Variants in DDX19A observed in about 807,000 individuals in gnomAD.
DDX19A encodes DEAD-box helicase 19A.
In DDX19A, 12 loss-of-function variants were observed where a neutral mutation model predicts 60.6. That is an observed-to-expected ratio of 0.20 (90% confidence interval 0.13 to 0.32). DDX19A has a LOEUF of 0.32. Among genes scored for constraint, DDX19A ranks in the 10% least tolerant of loss-of-function variants. The pLI is 1.00. For synonymous variants in DDX19A, 206 were observed against 218.2 expected, an observed-to-expected ratio of 0.94 and a Z score of 0.49; for missense variants, 337 against 600.6, an observed-to-expected ratio of 0.56 and a Z score of 4.59.
At chr16:70,371,679 C>T in intron 11 of DDX19A, 116 bp downstream of exon 11, 2 of 764,392 alleles carry the variant, frequency 2.6e-6, no homozygotes, top group Non-Finnish European at 4.2e-6. Flanking sequence ...ACACTCCCCT[C>T]CTTTCTGACC....
At chr16:70,364,751 T>C in intron 6 of DDX19A, 106 bp downstream of exon 6, 1 of 866,396 alleles carries the variant, frequency 1.2e-6, no homozygotes, top group Non-Finnish European at 1.9e-6. Flanking sequence ...CCTTAGGCTG[T>C]GGCTCAGGCA....
chr16:70,366,874 G>C lies in DDX19A; in HGVS notation c.1020+13G>C, dbSNP rs746859162. 1.2e-6 allele frequency: 2 copies of C among 1,613,774 alleles called. No homozygotes were observed. The highest frequency in any genetic ancestry group is 2.7e-5 in the African/African-American group (2 of 74,918). The stretch of plus-strand genomic sequence containing the variant: ...GATCTTCTGCCATGTGAGTAGCAGC[G>C]GCAGTGGCAGGCCTGGCCCCTCCCT... On this transcript the variant is annotated intron_variant, in intron 9 of 11. Transcript: ENST00000302243.
At chr16:70,365,604 A>G (rs1964495960) in intron 7 of DDX19A, 1 of 209,402 alleles carries the variant, frequency 4.8e-6, no homozygotes, top group Non-Finnish European at 9.6e-6. Flanking sequence ...TGGGCAACAT[A>G]GTAAGACAAA....
At chr16:70,369,629 T>G (rs1964623900) in intron 9 of DDX19A, among the ~76,000 whole-genome samples, 1 of 150,510 alleles carries the variant, frequency 6.6e-6, no homozygotes, top group South Asian at 2.1e-4. Context: ...TCTTTTTTTT[T>G]TTTTTTGGAG....
chr16:70,365,085 A>G lies in DDX19A; in HGVS notation c.558A>G (p.Lys186=). 6.2e-7 allele frequency: 1 copy of G among 1,614,146 alleles called. No homozygotes were observed. The highest frequency in any genetic ancestry group is 8.5e-7 in the Non-Finnish European group (1 of 1,180,010). Residue 186 remains lysine (K), a synonymous_variant, in exon 7 of 12, where the codon AAA becomes AAG. Coordinates refer to ENST00000302243, the MANE Select transcript of DDX19A (RefSeq NM_018332.5). The part of the protein sequence containing the change: ...QTGKVIEQMG[K]FYPELKLAYA... ...GAAAAGTGATTGAGCAGATGGGCAA[A>G]TTTTACCCAGAACTGAAGCTTGCCT...
chr16:70,356,949 A>G, intron 4 of DDX19A: 1 of 885,736 alleles, frequency 1.1e-6, no homozygotes, highest in Non-Finnish European at 1.5e-6. Flanking sequence ...TTTTTTTTTT[A>G]CAAAAAAAAA....
chr16:70,355,879 C>A, intron 3 of DDX19A: 1 of 606,910 alleles, frequency 1.6e-6, no homozygotes, highest in South Asian at 2.2e-5. Flanking sequence ...GGACGATTGC[C>A]AGAGCCCAGG....
At chr16:70,366,518 C>G in intron 8 of DDX19A, 106 bp from the exon 9 acceptor site, 2 of 1,471,184 alleles carry the variant, frequency 1.4e-6, no homozygotes, top group East Asian at 2.3e-5. Flanking sequence ...AGATGCTCCT[C>G]CCCCATCAGC....
At chr16:70,353,715 A>G (rs1370615474) in intron 2 of DDX19A, among the ~76,000 whole-genome samples, 1 of 151,818 alleles carries the variant, frequency 6.6e-6, no homozygotes, top group East Asian at 2.0e-4. Context: ...AGCCTGGCCA[A>G]TATGGTGAAA....
intron 2 of DDX19A, among the ~76,000 whole-genome samples, chr16:70,351,461 C>T (rs938102973): frequency 1.3e-5 from 2 of 152,128 alleles, no homozygotes; most frequent in Non-Finnish European, 2.9e-5. Flanking sequence ...CCTGCCTCAG[C>T]CTCCCACAGT....
At chr16:70,364,169 AC>A (rs2151640732) in intron 5 of DDX19A, 1 of 170,892 alleles carries the variant, frequency 5.9e-6, no homozygotes, top group East Asian at 1.6e-4. Context: ...CACAGAAGGA[AC>A]CAAATTCTGG....
At chr16:70,371,846 G>C (rs1479321415) in intron 11 of DDX19A, 79 bp from the exon 12 acceptor site, 15 of 1,611,104 alleles carry the variant, frequency 9.3e-6, no homozygotes, top group Non-Finnish European at 1.7e-6. Context: ...GGAGCCTTTG[G>C]GCCTGAATGA....
At chr16:70,365,401 T>C in intron 7 of DDX19A, 1 of 243,774 alleles carries the variant, frequency 4.1e-6, no homozygotes, top group Non-Finnish European at 8.0e-6. Flanking sequence ...GAAGGTAGAG[T>C]TTTGAATTTA....
At chr16:70,351,160 G>A (rs1348903925) in intron 2 of DDX19A, among the ~76,000 whole-genome samples, 1 of 151,588 alleles carries the variant, frequency 6.6e-6, no homozygotes, top group South Asian at 2.1e-4. Flanking sequence ...GGGATTACAG[G>A]TGTGAGCCAC....
chr16:70,361,612 G>A (rs909289283), intron 5 of DDX19A, 102 bp downstream of exon 5: 8 of 850,128 alleles, frequency 9.4e-6, no homozygotes, highest in South Asian at 3.0e-5. Flanking sequence ...TTGGGGCCAC[G>A]TGTTTCCTCA....
At chr16:70,366,910 T>G in intron 9 of DDX19A, 49 bp downstream of exon 9, 4 of 1,607,734 alleles carry the variant, frequency 2.5e-6, no homozygotes, top group Non-Finnish European at 3.4e-6. Flanking sequence ...CTCAGCCAGC[T>G]CCCCACAGGG....
chr16:70,365,220 C>G, intron 7 of DDX19A, 89 bp downstream of exon 7: 1 of 823,504 alleles, frequency 1.2e-6, no homozygotes, highest in South Asian at 1.5e-5. Flanking sequence ...ATTCAACTTT[C>G]TAATTCAGTC....
At chr16:70,370,630 A>G (rs1292849467) in intron 10 of DDX19A, 2 of 488,008 alleles carry the variant, frequency 4.1e-6, no homozygotes, top group Non-Finnish European at 6.8e-6. Context: ...CTGGAGACAG[A>G]GGTTGCAGTG....
intron 1 of DDX19A, among the ~76,000 whole-genome samples, chr16:70,350,264 A>C (rs1963970953): frequency 6.6e-6 from 1 of 152,188 alleles, no homozygotes; most frequent in South Asian, 2.1e-4. Flanking sequence ...GAAAATAAAT[A>C]AATAGAAAGA....
Sources: gnomAD v4.1 joint callset for allele counts (sites outside exome capture counted in the v4.1 genomes callset) on GRCh38, gnomAD v4.1.1 for gene constraint, MANE v1.5 for transcripts, NCBI Gene and HGNC (gene_info 2026-07-23, HGNC 2026-07-21) for gene names.